HMGXB4: variants seen among roughly 807,000 people sequenced by gnomAD.
The protein encoded by HMGXB4 is HMG-box containing 4.
HMGXB4 carries 27 observed loss-of-function variants against 63.9 expected under a neutral mutation model. The ratio of observed to expected loss-of-function variants is 0.42; its 90% CI spans 0.31 to 0.58. HMGXB4 has a LOEUF of 0.58. HMGXB4 is among the 20% of genes least tolerant of loss of function. The pLI is 0.13. For missense variants in HMGXB4, 624 were observed against 700.7 expected, an observed-to-expected ratio of 0.89 and a Z score of 1.24; for synonymous variants, 264 against 265.3, an observed-to-expected ratio of 0.99 and a Z score of 0.05.
chr22:35,262,842 A>T (rs181553597), intron 2 of HMGXB4: 6 of 559,628 alleles, frequency 1.1e-5, no homozygotes, highest in Non-Finnish European at 1.9e-5. Context: ...GAGGTTGCAC[A>T]TGGGGCCTTT....
Position 35,295,577 on chromosome 22 carries a change from T to C in HMGXB4, c.*1926T>C, listed in dbSNP as rs1261221083. On this transcript the variant is annotated 3_prime_UTR_variant, in exon 11 of 11. Transcript: ENST00000216106. ...TGTTTTCCTTTGAAACCCAGCCCTA[T>C]TGTATTTGTATTTAAAATTTGTACA... The C allele has an allele frequency of 6.6e-6, 1 of 152,660 alleles. No homozygotes were observed. Among genetic ancestry groups the C allele is most frequent in the Non-Finnish European group, 1.5e-5 (1 of 68,044 alleles). 9.5% of individuals were successfully genotyped at this position (152,660 alleles called of 1,614,324 possible).
chr22:35,283,916 G>A (rs1235126480), intron 5 of HMGXB4, 46 bp from the exon 6 acceptor site: 3 of 1,398,384 alleles, frequency 2.1e-6, no homozygotes, highest in Non-Finnish European at 3.1e-6. Context: ...ACTAAACCTG[G>A]GTTCTAATCA....
chr22:35,279,359 G>C (rs187709323), intron 5 of HMGXB4, among the ~76,000 whole-genome samples: 1 of 151,796 alleles, frequency 6.6e-6, no homozygotes, highest in Non-Finnish European at 1.5e-5. Context: ...TGTTGGTCTC[G>C]AACTCCCGAC....
chr22:35,264,543 C>A, intron 4 of HMGXB4, 105 bp from the exon 5 acceptor site: 1 of 761,268 alleles, frequency 1.3e-6, no homozygotes, highest in Non-Finnish European at 2.2e-6. Flanking sequence ...CAAATCATTC[C>A]TGTTAGCCTC....
At chr22:35,253,600 TGCGCGCGC>T (rs55731093), upstream of HMGXB4, among the ~76,000 whole-genome samples, 18 of 151,154 alleles carry the variant, frequency 1.2e-4, no homozygotes, top group African/African-American at 2.7e-4. Flanking sequence ...TTGGATTTTG[TGCGCGCGC>T]GCGCGCGCGT....
Position 35,263,152 on chromosome 22 carries a change from T to C in HMGXB4, c.106T>C (p.Ser36Pro), listed in dbSNP as rs1165848620. 1 of 1,614,098 alleles carries C rather than the reference T, an allele frequency of 6.2e-7. No individual in the cohort carries two copies. ...AGRSQREKKRSYKDFLREEEE... is the reference protein window; with the variant it reads ...AGRSQREKKRPYKDFLREEEE... Reference sequence around the variant, plus strand: ...CCGAAGCCAACGAGAGAAAAAACGTTCTTACAAAGATTTTTTAAGGGAAGA... The same window carrying C: ...CCGAAGCCAACGAGAGAAAAAACGTCCTTACAAAGATTTTTTAAGGGAAGA... Residue 36 changes from serine to proline, a missense_variant, in exon 3 of 11, where the codon TCT (serine) becomes CCT (proline). Around this residue, in one of 2 missense-constraint regions of HMGXB4, gnomAD observed 472 missense variants for 470.6 expected, o/e 1.00. Coordinates refer to ENST00000216106, the MANE Select transcript of HMGXB4 (RefSeq NM_001003681.3).
At chr22:35,272,388 T>A (rs1923660078) in intron 5 of HMGXB4, among the ~76,000 whole-genome samples, 1 of 152,162 alleles carries the variant, frequency 6.6e-6, no homozygotes, top group Non-Finnish European at 1.5e-5. Flanking sequence ...TTACACTATT[T>A]CCTGGGTGAA....
chr22:35,272,181 G>C (rs2146415926), intron 5 of HMGXB4, among the ~76,000 whole-genome samples: 1 of 152,252 alleles, frequency 6.6e-6, no homozygotes, highest in African/African-American at 2.4e-5. Context: ...CGGCTATGTT[G>C]GAGGAGAAAC....
chr22:35,272,365 CAAA>C (rs1431109704), intron 5 of HMGXB4, among the ~76,000 whole-genome samples: 1 of 151,432 alleles, frequency 6.6e-6, no homozygotes, highest in African/African-American at 2.4e-5. Context: ...TTGACTGACA[CAAA>C]GAAGGGAAAT....
In HMGXB4 at chr22:35,272,632, A is replaced by AT. The variant is rs578041355; in HGVS notation, c.1215+7036dup. Among the ~76,000 whole-genome samples the AT allele has an allele frequency of 1.2e-3, 182 of 152,260 alleles. 1 individual carries two copies. The highest frequency in any genetic ancestry group is 4.2e-3 in the African/African-American group (175 of 41,566). Reference sequence around the variant, plus strand: ...TTGGTTTTACCCCAAATAAAAGCCCATTTTTTTGTCACTTAAAATAATAGC... The same window carrying AT: ...TTGGTTTTACCCCAAATAAAAGCCCATTTTTTTTGTCACTTAAAATAATAGC... On this transcript the variant is annotated intron_variant, in intron 5 of 10. Coordinates refer to ENST00000216106, the MANE Select transcript of HMGXB4 (RefSeq NM_001003681.3).
chr22:35,269,000 T>G (rs1342238344), intron 5 of HMGXB4, among the ~76,000 whole-genome samples: 1 of 152,238 alleles, frequency 6.6e-6, no homozygotes, highest in Non-Finnish European at 1.5e-5. Flanking sequence ...TTACTGCACT[T>G]ATTTTCTTCC....
Position 35,294,827 on chromosome 22 carries a change from T to A in HMGXB4, c.*1176T>A, listed in dbSNP as rs1005089572. On this transcript the variant is annotated 3_prime_UTR_variant, in exon 11 of 11. Coordinates refer to ENST00000216106, the MANE Select transcript of HMGXB4 (RefSeq NM_001003681.3). Reference sequence around the variant, plus strand: ...TTTCCTTCCTTCCTTCCCTGTTTCCTTCCCTCTTTCCTTCCTTCCTCCTGG... The same window carrying A: ...TTTCCTTCCTTCCTTCCCTGTTTCCATCCCTCTTTCCTTCCTTCCTCCTGG... The A allele has an allele frequency of 1.3e-5, 2 of 152,154 alleles. No individual in the cohort carries two copies. The highest frequency in any genetic ancestry group is 4.8e-5 in the African/African-American group (2 of 41,434). The allele number at this position is 152,154 out of a possible 1,614,324, so 9.4% of individuals were successfully genotyped here.
upstream of HMGXB4, among the ~76,000 whole-genome samples, chr22:35,254,901 A>C (rs1051288272): frequency 6.6e-6 from 1 of 152,166 alleles, no homozygotes; most frequent in African/African-American, 2.4e-5. Flanking sequence ...GTGGACTAAA[A>C]GAAGAAATGG....
upstream of HMGXB4, among the ~76,000 whole-genome samples, chr22:35,256,484 A>G (rs1052294959): frequency 7.9e-5 from 12 of 152,038 alleles, no homozygotes; most frequent in Non-Finnish European, 1.5e-4. Flanking sequence ...GTACTAGAAA[A>G]ATAAGTTATT....
intron 5 of HMGXB4, among the ~76,000 whole-genome samples, chr22:35,275,751 TA>T (rs1971339625): frequency 6.6e-6 from 1 of 152,178 alleles, no homozygotes; most frequent in African/African-American, 2.4e-5. Context: ...AAAAAGAAGT[TA>T]CTTTTTGAAT....
rs111956451 is a variant in HMGXB4, at chr22:35,272,563, A to G, written c.1215+6960A>G. On this transcript the variant is annotated intron_variant, in intron 5 of 10. Transcript: ENST00000216106. ...ATTGCAGTGGAAGCTTTTCATTTAT[A>G]TAGGAGGAGCAGGATACAGTTACAT... is the stretch of plus-strand genomic sequence containing the variant. Among the ~76,000 whole-genome samples the G allele has an allele frequency of 1.8e-3, 271 of 152,320 alleles. 2 individuals are homozygous for G. The highest frequency in any genetic ancestry group is 6.1e-3 in the African/African-American group (255 of 41,558).
At chr22:35,272,717 T>C (rs977495923) in intron 5 of HMGXB4, among the ~76,000 whole-genome samples, 1 of 152,034 alleles carries the variant, frequency 6.6e-6, no homozygotes, top group African/African-American at 2.4e-5. Flanking sequence ...GGGTGGATCA[T>C]GAGGTCAGGA....
At chr22:35,273,985 T>G (rs1449514791) in intron 5 of HMGXB4, among the ~76,000 whole-genome samples, 1 of 152,226 alleles carries the variant, frequency 6.6e-6, no homozygotes, top group African/African-American at 2.4e-5. Flanking sequence ...TGCGCAGTTC[T>G]GAGACTTTGC....
At chr22:35,260,759 A>C (rs751325418) in intron 1 of HMGXB4, among the ~76,000 whole-genome samples, 1 of 152,210 alleles carries the variant, frequency 6.6e-6, no homozygotes, top group East Asian at 1.9e-4. Context: ...CTAATAAATC[A>C]TTCTTGGTAA....
Sources: allele counts gnomAD v4.1 joint callset (sites outside exome capture counted in the v4.1 genomes callset), GRCh38; gene constraint gnomAD v4.1.1; regional missense constraint gnomAD v4.1.1; transcripts MANE v1.5; gene names NCBI Gene and HGNC (gene_info 2026-07-23, HGNC 2026-07-21).